Variants in IGSF5 observed in about 807,000 individuals in gnomAD.
IGSF5 encodes the protein immunoglobulin superfamily 5 like.
A neutral mutation model predicts 39.4 loss-of-function variants in IGSF5; 41 were observed. The ratio of observed to expected loss-of-function variants is 1.04; its 90% CI spans 0.81 to 1.35. The LOEUF is 1.35. IGSF5 is among the 40% of genes most tolerant of loss of function. IGSF5 has a pLI of 0.00. For missense variants in IGSF5, 487 were observed against 494.6 expected, an observed-to-expected ratio of 0.98 and a Z score of 0.15; for synonymous variants, 183 against 175.3, an observed-to-expected ratio of 1.04 and a Z score of -0.34.
chr21:39,790,248 C>T (rs1029729441), intron 6 of IGSF5, among the ~76,000 whole-genome samples: 16 of 152,206 alleles, frequency 1.1e-4, no homozygotes, highest in African/African-American at 3.1e-4. Flanking sequence ...TACCGTGGCA[C>T]GTGAGTGTCA....
At chr21:39,773,197 C>A (rs2080123463) in intron 4 of IGSF5, among the ~76,000 whole-genome samples, 1 of 152,102 alleles carries the variant, frequency 6.6e-6, no homozygotes, top group Non-Finnish European at 1.5e-5. Flanking sequence ...TCTCATCATT[C>A]AGCTCCCACT....
intron 6 of IGSF5, 114 bp from the exon 7 acceptor site, chr21:39,791,894 T>G: frequency 2.9e-6 from 2 of 691,712 alleles, no homozygotes; most frequent in Non-Finnish European, 5.1e-6. Flanking sequence ...AAGTTCAATG[T>G]GTAAGCATAC....
At chr21:39,719,803 C>T in the IGSF5 span, among the ~76,000 whole-genome samples, 2 of 152,202 alleles carry the variant, frequency 1.3e-5, no homozygotes, top group African/African-American at 4.8e-5. Flanking sequence ...CCCGCCATGC[C>T]ATAGGGCCTG....
chr21:39,760,095 T>C (rs889215838), intron 2 of IGSF5, among the ~76,000 whole-genome samples: 11 of 152,204 alleles, frequency 7.2e-5, no homozygotes, highest in African/African-American at 2.4e-4. Flanking sequence ...TTTTCATTTG[T>C]AGATATGGCT....
chr21:39,762,504 T>C (rs1028501445), intron 2 of IGSF5, among the ~76,000 whole-genome samples: 1 of 152,172 alleles, frequency 6.6e-6, no homozygotes, highest in African/African-American at 2.4e-5. Context: ...GTTCCGATTA[T>C]GCAGAGGAAG....
the IGSF5 span, among the ~76,000 whole-genome samples, chr21:39,734,951 C>T: frequency 5.1e-4 from 77 of 152,008 alleles, no homozygotes; most frequent in African/African-American, 1.8e-3. Flanking sequence ...GTAACCTCTG[C>T]CTTCTGGGTT....
intron 8 of IGSF5, among the ~76,000 whole-genome samples, chr21:39,799,259 T>C (rs1426182679): frequency 6.6e-6 from 1 of 152,182 alleles, no homozygotes; most frequent in Non-Finnish European, 1.5e-5. Flanking sequence ...AATTCTCTAT[T>C]CCGGTTTTCC....
chr21:39,765,645 T>A lies in IGSF5; in HGVS notation c.211T>A (p.Trp71Arg). ...TVSQGWKLIM[W>R]ALSDMVVLSV... ...CTCCCAGGGCTGGAAGCTCATCATGTGGGCTCTCAGTGACATGGTGGTGCT... is the reference window on the plus strand; with the variant it reads ...CTCCCAGGGCTGGAAGCTCATCATGAGGGCTCTCAGTGACATGGTGGTGCT... The change falls in exon 3 of 9, where the codon TGG (tryptophan) becomes AGG (arginine). Residue 71 changes from tryptophan to arginine, a missense_variant. By Grantham distance (101) the Trp-to-Arg change is moderately radical. Coordinates refer to ENST00000380588, the MANE Select transcript of IGSF5 (RefSeq NM_001080444.2). 1 of 1,614,154 alleles carries A rather than the reference T, an allele frequency of 6.2e-7. No individual in the cohort carries two copies. The highest frequency in any genetic ancestry group is 8.5e-7 in the Non-Finnish European group (1 of 1,180,024).
chr21:39,785,385 C>A (rs1303060142), intron 5 of IGSF5, among the ~76,000 whole-genome samples: 2 of 152,134 alleles, frequency 1.3e-5, no homozygotes, highest in African/African-American at 4.8e-5. Flanking sequence ...GGTGTTATTT[C>A]TGAGGGCTCT....
chr21:39,739,091 G>C, the IGSF5 span, among the ~76,000 whole-genome samples: 336 of 152,064 alleles, frequency 2.2e-3, 1 homozygote, highest in African/African-American at 7.5e-3. Flanking sequence ...CGCCACGCCT[G>C]GCTAATTTTT....
chr21:39,781,268 G>A (rs1571713), intron 5 of IGSF5, among the ~76,000 whole-genome samples: 120,389 of 152,066 alleles, frequency 0.79, 47,801 homozygotes, highest in Admixed American at 0.84. Context: ...TTCCCTTACA[G>A]TATATCCTGG....
chr21:39,721,633 C>T, the IGSF5 span, among the ~76,000 whole-genome samples: 1 of 151,826 alleles, frequency 6.6e-6, no homozygotes, highest in African/African-American at 2.4e-5. Flanking sequence ...TAATTGGGGA[C>T]TAGAGCCTGG....
At chr21:39,782,213 T>G (rs1190203291) in intron 5 of IGSF5, among the ~76,000 whole-genome samples, 1 of 152,202 alleles carries the variant, frequency 6.6e-6, no homozygotes, top group Non-Finnish European at 1.5e-5. Flanking sequence ...GCACTTACAC[T>G]GTACTGTTTT....
At chr21:39,777,996 A>G (rs1378426029) in intron 4 of IGSF5, among the ~76,000 whole-genome samples, 13 of 152,212 alleles carry the variant, frequency 8.5e-5, no homozygotes, top group Admixed American at 8.5e-4. Flanking sequence ...CTAGTATCTA[A>G]CAAAATAGCA....
At chr21:39,753,745 T>A (rs2080016801) in intron 2 of IGSF5, among the ~76,000 whole-genome samples, 1 of 152,278 alleles carries the variant, frequency 6.6e-6, no homozygotes, top group South Asian at 2.1e-4. Context: ...CTTTGTCTTT[T>A]TTTTTTTAAC....
At chr21:39,771,560 C>T (rs1313290938) in intron 4 of IGSF5, among the ~76,000 whole-genome samples, 1 of 152,130 alleles carries the variant, frequency 6.6e-6, no homozygotes, top group Non-Finnish European at 1.5e-5. Context: ...TGATCCCACC[C>T]CCTGAGCCAG....
chr21:39,735,253 T>C, the IGSF5 span, among the ~76,000 whole-genome samples: 7 of 152,364 alleles, frequency 4.6e-5, no homozygotes, highest in Non-Finnish European at 8.8e-5. Context: ...GTAATCTGTC[T>C]TAAAATTTTC....
At chr21:39,715,521 T>C in the IGSF5 span, among the ~76,000 whole-genome samples, 1 of 152,332 alleles carries the variant, frequency 6.6e-6, no homozygotes, top group East Asian at 1.9e-4. Context: ...TAGTCCAAGT[T>C]ATGGAGGTCC....
At chr21:39,792,989 G>C (rs757672202) in intron 7 of IGSF5, among the ~76,000 whole-genome samples, 2 of 142,992 alleles carry the variant, frequency 1.4e-5, no homozygotes, top group African/African-American at 5.2e-5. Context: ...AAAAATTGGA[G>C]CTCTATTTTC....
Sources: allele counts gnomAD v4.1 joint callset (sites outside exome capture counted in the v4.1 genomes callset), GRCh38; gene constraint gnomAD v4.1.1; transcripts MANE v1.5; gene names NCBI Gene and HGNC (gene_info 2026-07-23, HGNC 2026-07-21).